The following BMERB1 variants were observed in gnomAD, a reference collection of about 807,000 sequenced individuals.
The protein encoded by BMERB1 is bMERB domain-containing protein 1.
A neutral mutation model predicts 23.6 loss-of-function variants in BMERB1; 12 were observed. The observed-to-expected ratio is 0.51, with a 90% CI of 0.33 to 0.82. The LOEUF (loss-of-function observed/expected upper bound fraction) is 0.82. Among genes scored for constraint, BMERB1 ranks in the 40% least tolerant of loss-of-function variants. The pLI is 0.03. For missense variants in BMERB1, 247 were observed against 255.4 expected, an observed-to-expected ratio of 0.97 and a Z score of 0.22; for synonymous variants, 122 against 96.6, an observed-to-expected ratio of 1.26 and a Z score of -1.54.
chr16:15,504,882 T>C (rs1445346021), intron 1 of BMERB1, among the ~76,000 whole-genome samples: 1 of 151,904 alleles, frequency 6.6e-6, no homozygotes, highest in African/African-American at 2.4e-5. Context: ...GTCCCTCATG[T>C]CCTTCCCTAA....
At chr16:15,527,435 T>C (rs2051921092) in intron 2 of BMERB1, among the ~76,000 whole-genome samples, 1 of 152,104 alleles carries the variant, frequency 6.6e-6, no homozygotes, top group African/African-American at 2.4e-5. Context: ...TGAAACTCTG[T>C]CTCTACTAAA....
chr16:15,538,174 C>T (rs1415251581), intron 2 of BMERB1, among the ~76,000 whole-genome samples: 2 of 152,168 alleles, frequency 1.3e-5, no homozygotes, highest in African/African-American at 2.4e-5. Flanking sequence ...TTAGATGGGC[C>T]GGATGCGTTG....
At chr16:15,547,157 A>G (rs2029944612) in intron 2 of BMERB1, among the ~76,000 whole-genome samples, 1 of 150,892 alleles carries the variant, frequency 6.6e-6, no homozygotes, top group African/African-American at 2.4e-5. Context: ...GATTACAGGC[A>G]TGCGCCACCA....
At chr16:15,458,354 A>G (rs1170017787) in intron 1 of BMERB1, among the ~76,000 whole-genome samples, 1 of 152,204 alleles carries the variant, frequency 6.6e-6, no homozygotes, top group Admixed American at 6.6e-5. Flanking sequence ...TCTGACACAT[A>G]CAGATGTTTG....
intron 2 of BMERB1, among the ~76,000 whole-genome samples, chr16:15,549,247 A>C (rs986216512): frequency 1.3e-5 from 2 of 150,394 alleles, no homozygotes; most frequent in Admixed American, 6.7e-5. Context: ...GCTGAGCCAG[A>C]GGAATTGCTT....
At chr16:15,467,442 C>T (rs754974223) in intron 1 of BMERB1, among the ~76,000 whole-genome samples, 48 of 152,126 alleles carry the variant, frequency 3.2e-4, no homozygotes, top group Non-Finnish European at 4.4e-5. Flanking sequence ...ATATCTAATG[C>T]TGTTGCACAT....
At chr16:15,453,866 C>G (rs2051063049) in intron 1 of BMERB1, among the ~76,000 whole-genome samples, 1 of 152,044 alleles carries the variant, frequency 6.6e-6, no homozygotes, top group African/African-American at 2.4e-5. Flanking sequence ...AGAGCTAACT[C>G]TGTCTCAAAA....
chr16:15,506,077 A>G (rs2051587381), intron 1 of BMERB1, among the ~76,000 whole-genome samples: 1 of 152,172 alleles, frequency 6.6e-6, no homozygotes, highest in South Asian at 2.1e-4. Flanking sequence ...TCTACCACTC[A>G]TTATAGCACT....
intron 1 of BMERB1, among the ~76,000 whole-genome samples, chr16:15,472,710 T>TG (rs1347852251): frequency 6.6e-6 from 1 of 152,206 alleles, no homozygotes; most frequent in Non-Finnish European, 1.5e-5. Context: ...GTCTTTAAAC[T>TG]GATATATTTA....
At chr16:15,550,022 T>G (rs1279619002) in intron 2 of BMERB1, among the ~76,000 whole-genome samples, 4 of 151,926 alleles carry the variant, frequency 2.6e-5, no homozygotes, top group African/African-American at 7.3e-5. Flanking sequence ...CCATCTCGGC[T>G]CACTGCAAGC....
intron 2 of BMERB1, among the ~76,000 whole-genome samples, chr16:15,559,495 C>T (rs2030359079): frequency 6.6e-6 from 1 of 152,304 alleles, no homozygotes; most frequent in East Asian, 1.9e-4. Context: ...GGGTGTGTTG[C>T]TTAACCTCCA....
intron 1 of BMERB1, among the ~76,000 whole-genome samples, chr16:15,441,385 TA>T (rs869050368): frequency 2.5e-3 from 359 of 141,760 alleles, no homozygotes; most frequent in Middle Eastern, 3.6e-3. Flanking sequence ...TAGAGCCCAT[TA>T]AAAAAAAAAA....
intron 2 of BMERB1, among the ~76,000 whole-genome samples, chr16:15,549,540 G>T (rs555869971): frequency 7.9e-5 from 12 of 151,696 alleles, no homozygotes; most frequent in Non-Finnish European, 1.2e-4. Flanking sequence ...TTAGCTGGGC[G>T]TGGTGGCGGG....
rs2031190002 is a variant in BMERB1, at chr16:15,587,774, G to A, written c.*945G>A. 3.6e-6 allele frequency: 1 copy of A among 274,884 alleles called. No homozygotes were observed. Among genetic ancestry groups the A allele is most frequent in the African/African-American group, 2.3e-5 (1 of 44,356 alleles). 17.0% of individuals were successfully genotyped at this position (274,884 alleles called of 1,614,324 possible). On this transcript the variant is annotated 3_prime_UTR_variant, in exon 6 of 6. Coordinates refer to ENST00000300006, the MANE Select transcript of BMERB1 (RefSeq NM_033201.3). ...TGTGTCCCGTCATTGGGTGGCATAT[G>A]TTAACTAGCTGCCAAACAACTTCAA...
At chr16:15,470,485 A>C (rs985217832) in intron 1 of BMERB1, among the ~76,000 whole-genome samples, 1 of 151,636 alleles carries the variant, frequency 6.6e-6, no homozygotes, top group African/African-American at 2.4e-5. Flanking sequence ...ACGGTAATAC[A>C]AGATTCATAA....
At chr16:15,573,965 C>T (rs2030796670) in intron 3 of BMERB1, among the ~76,000 whole-genome samples, 1 of 137,954 alleles carries the variant, frequency 7.2e-6, no homozygotes, top group Admixed American at 7.6e-5. Context: ...ATGGAACTCA[C>T]TCACTATCAT....
chr16:15,536,720 T>C (rs1598503498), intron 2 of BMERB1: 1 of 152,216 alleles, frequency 6.6e-6, no homozygotes, highest in Admixed American at 6.5e-5. Flanking sequence ...GGGCCTGGTC[T>C]TACAGCCAGA....
chr16:15,533,399 T>C (rs985154441), intron 2 of BMERB1, among the ~76,000 whole-genome samples: 4 of 151,752 alleles, frequency 2.6e-5, no homozygotes, highest in East Asian at 1.9e-4. Flanking sequence ...TTCTTTCTTT[T>C]TTTTTTTTTT....
chr16:15,540,564 A>G (rs145529287), intron 2 of BMERB1, among the ~76,000 whole-genome samples: 55 of 152,320 alleles, frequency 3.6e-4, no homozygotes, highest in Non-Finnish European at 1.3e-4. Context: ...AGGCATAGCA[A>G]CTGTTGCCAT....
Sources: allele counts gnomAD v4.1 joint callset (sites outside exome capture counted in the v4.1 genomes callset), GRCh38; gene constraint gnomAD v4.1.1; transcripts MANE v1.5; gene names NCBI Gene and HGNC (gene_info 2026-07-23, HGNC 2026-07-21).